Variants in GPC5 observed in about 807,000 individuals in gnomAD.
GPC5 encodes glypican-5.
A neutral mutation model predicts 53.9 loss-of-function variants in GPC5; 47 were observed. The observed-to-expected ratio is 0.87, with a 90% CI of 0.69 to 1.11. GPC5 has a LOEUF of 1.11. GPC5 is among the 50% of genes most tolerant of loss of function. GPC5 has a pLI of 0.00. For missense variants in GPC5, 748 were observed against 713.1 expected, an observed-to-expected ratio of 1.05 and a Z score of -0.56; for synonymous variants, 286 against 263.3, an observed-to-expected ratio of 1.09 and a Z score of -0.84.
chr13:92,263,900 C>T (rs1414045232), intron 7 of GPC5, among the ~76,000 whole-genome samples: 1 of 152,052 alleles, frequency 6.6e-6, no homozygotes, highest in Non-Finnish European at 1.5e-5. Context: ...TTAGGAATTG[C>T]TGCGATAATT....
At chr13:91,915,884 AAAT>A (rs1478329982) in intron 6 of GPC5, among the ~76,000 whole-genome samples, 1 of 152,198 alleles carries the variant, frequency 6.6e-6, no homozygotes. Flanking sequence ...TAAGTGAGGA[AAAT>A]AATATTTTTG....
At chr13:91,600,305 CAGAGAGAGAGAGAGAGAGAGAGAGAG>C (rs67108031) in intron 2 of GPC5, among the ~76,000 whole-genome samples, 28 of 146,650 alleles carry the variant, frequency 1.9e-4, no homozygotes, top group African/African-American at 4.6e-4. Flanking sequence ...GTTCATTTTA[CAGAGAGAGAGAGAGAGAGAGAGAGAG>C]AGAGAGAGAG....
chr13:92,691,524 T>TTCTGC (rs1462871327), intron 7 of GPC5, among the ~76,000 whole-genome samples: 1 of 151,664 alleles, frequency 6.6e-6, no homozygotes, highest in Non-Finnish European at 1.5e-5. Context: ...ATCACCCGTC[T>TTCTGC]TCTGCGTCGC....
Position 92,257,545 on chromosome 13 carries a change from G to GTTTTTTTTTTTTTTTT in GPC5, c.1561+112556_1561+112557insTTTTTTTTTTTTTTTT, listed in dbSNP as rs1566507028. On this transcript the variant is annotated intron_variant, in intron 7 of 7. Coordinates refer to ENST00000377067, the MANE Select transcript of GPC5 (RefSeq NM_004466.6). ...TAGTGAGAGAGGTTTCTAATACAGG[G>GTTTTTTTTTTTTTTTT]ATTTTTTTTTTTTTTTTTTTTTGGG... Among the ~76,000 whole-genome samples the GTTTTTTTTTTTTTTTT allele has an allele frequency of 1.4e-4, 7 of 50,050 alleles. 1 individual carries two copies. Among genetic ancestry groups the GTTTTTTTTTTTTTTTT allele is most frequent in the South Asian group, 7.3e-4 (1 of 1,362 alleles). 32.8% of individuals were successfully genotyped at this position (50,050 alleles called of 152,430 possible). A position where few individuals can be genotyped will look rare whatever the true frequency, so the allele number is the denominator to read the frequency against.
chr13:92,541,019 A>T (rs946873448), intron 7 of GPC5, among the ~76,000 whole-genome samples: 6 of 151,902 alleles, frequency 3.9e-5, no homozygotes, highest in African/African-American at 1.4e-4. Flanking sequence ...TGGATATAAC[A>T]GGTGAAGATT....
At chr13:92,595,445 T>C (rs1883839509) in intron 7 of GPC5, among the ~76,000 whole-genome samples, 1 of 152,104 alleles carries the variant, frequency 6.6e-6, no homozygotes, top group Non-Finnish European at 1.5e-5. Flanking sequence ...CAATTATGAG[T>C]TGTGCGTAGA....
chr13:92,591,113 A>G (rs147982843), intron 7 of GPC5, among the ~76,000 whole-genome samples: 151 of 152,312 alleles, frequency 9.9e-4, no homozygotes, highest in African/African-American at 3.4e-3. Context: ...ATCAACCTTT[A>G]TATGCTGATT....
chr13:92,147,576 T>C (rs1463716650), intron 7 of GPC5, among the ~76,000 whole-genome samples: 1 of 152,050 alleles, frequency 6.6e-6, no homozygotes, highest in Non-Finnish European at 1.5e-5. Flanking sequence ...AAACTATACT[T>C]GACAAGTTGA....
intron 2 of GPC5, among the ~76,000 whole-genome samples, chr13:91,569,898 C>T (rs1405222476): frequency 6.6e-6 from 1 of 152,132 alleles, no homozygotes; most frequent in African/African-American, 2.4e-5. Flanking sequence ...TCCCCGCCTT[C>T]AGAAATGTGA....
intron 5 of GPC5, among the ~76,000 whole-genome samples, chr13:91,864,060 T>C (rs893890325): frequency 1.3e-5 from 2 of 152,226 alleles, no homozygotes; most frequent in Non-Finnish European, 1.5e-5. Flanking sequence ...ATTTGGTTCA[T>C]TCTTATTACA....
chr13:91,460,042 A>C (rs1267053039), intron 2 of GPC5, among the ~76,000 whole-genome samples: 1 of 152,188 alleles, frequency 6.6e-6, no homozygotes, highest in Non-Finnish European at 1.5e-5. Flanking sequence ...ATGAGTTTGT[A>C]TATGAGAAAT....
chr13:91,838,631 G>A (rs1290429636), intron 5 of GPC5, among the ~76,000 whole-genome samples: 2 of 151,984 alleles, frequency 1.3e-5, no homozygotes, highest in Admixed American at 6.6e-5. Flanking sequence ...GAAAAGATTG[G>A]AAATGAATAT....
intron 2 of GPC5, among the ~76,000 whole-genome samples, chr13:91,597,203 ATTG>A (rs1438613599): frequency 2.0e-5 from 3 of 152,010 alleles, no homozygotes; most frequent in Non-Finnish European, 4.4e-5. Flanking sequence ...GTTATCTTTT[ATTG>A]TTGTTCACTT....
In GPC5 at chr13:91,602,668, GT is replaced by G. The variant is rs150364824; in HGVS notation, c.326-90514del. Among the ~76,000 whole-genome samples, 181 of 152,230 alleles carry G rather than the reference GT, an allele frequency of 1.2e-3. 1 individual carries two copies. In the East Asian group the frequency reaches 0.033, roughly 28 times the overall value. On this transcript the variant is annotated intron_variant, in intron 2 of 7. Transcript: ENST00000377067. ...CAGTCTTAACGTGATTGATGATATT[GT>G]TTTTCGGTTCCTGAACATATTGCTC...
intron 6 of GPC5, among the ~76,000 whole-genome samples, chr13:91,954,715 GTTCCATAAT>G (rs2040057674): frequency 6.6e-6 from 1 of 151,898 alleles, no homozygotes; most frequent in South Asian, 2.1e-4. Flanking sequence ...TACTAATTCT[GTTCCATAAT>G]TACTGTAGTA....
intron 7 of GPC5, among the ~76,000 whole-genome samples, chr13:92,653,340 G>A (rs988567313): frequency 6.6e-6 from 1 of 152,188 alleles, no homozygotes; most frequent in Non-Finnish European, 1.5e-5. Context: ...TTATCTTTAA[G>A]CCTGGCAAAC....
At chr13:92,049,634 A>G (rs1226769994) in intron 6 of GPC5, among the ~76,000 whole-genome samples, 1 of 152,158 alleles carries the variant, frequency 6.6e-6, no homozygotes, top group African/African-American at 2.4e-5. Context: ...AAAATGCATC[A>G]GACTATTAGT....
intron 7 of GPC5, among the ~76,000 whole-genome samples, chr13:92,675,579 CCTT>C (rs1205195904): frequency 7.1e-6 from 1 of 141,398 alleles, no homozygotes; most frequent in East Asian, 2.0e-4. Context: ...TTGTCCCCCT[CCTT>C]TTTTTTTTAA....
intron 2 of GPC5, among the ~76,000 whole-genome samples, chr13:91,650,814 A>G (rs1043346431): frequency 1.4e-5 from 2 of 145,834 alleles, no homozygotes; most frequent in African/African-American, 5.3e-5. Context: ...ACTGGGGGAA[A>G]AATCTTTTCT....
Sources: allele counts gnomAD v4.1 joint callset (sites outside exome capture counted in the v4.1 genomes callset), GRCh38; gene constraint gnomAD v4.1.1; transcripts MANE v1.5; gene names NCBI Gene and HGNC (gene_info 2026-07-23, HGNC 2026-07-21).